SELENOI: variants seen among roughly 807,000 people sequenced by gnomAD.
SELENOI encodes the protein ethanolaminephosphotransferase 1.
In SELENOI, 24 loss-of-function variants were observed where a neutral mutation model predicts 50.7. The observed-to-expected ratio is 0.47, with a 90% confidence interval of 0.34 to 0.67. The LOEUF (loss-of-function observed/expected upper bound fraction) is 0.67. Among genes scored for constraint, SELENOI ranks in the 30% least tolerant of loss-of-function variants. The probability of loss-of-function intolerance (pLI) is 0.01; values close to 1 mark genes in which losing one functional copy is unlikely to be tolerated. For missense variants in SELENOI, 352 were observed against 461.4 expected (o/e 0.76, Z 2.17); for synonymous variants, 155 against 170.2 (o/e 0.91, Z 0.70).
At position 26,392,877 on chromosome 2, in the gene SELENOI, A is replaced by G. The variant is rs571841485; in HGVS notation, c.*3774A>G. 5 of 152,270 alleles carry G rather than the reference A, an allele frequency of 3.3e-5. No individual in the cohort carries two copies. The East Asian group carries it at 9.6e-4, about 29-fold the overall frequency. 9.4% of individuals were successfully genotyped at this position (152,270 alleles called of 1,614,324 possible). On this transcript the variant is annotated 3_prime_UTR_variant, in exon 10 of 10. Transcript: ENST00000260585. ...TGTAAGTCAGCATGCTCTTGCTTGA[A>G]CACCCTGTGGGTGAATAACTTTAGT...
chr2:26,352,307 G>A (rs1676976708), intron 1 of SELENOI, among the ~76,000 whole-genome samples: 1 of 152,066 alleles, frequency 6.6e-6, no homozygotes, highest in African/African-American at 2.4e-5. Flanking sequence ...GAGGTGCTCT[G>A]GAGGCCTTTT....
At chr2:26,379,547 C>T (rs1308806611) in intron 6 of SELENOI, among the ~76,000 whole-genome samples, 1 of 152,018 alleles carries the variant, frequency 6.6e-6, no homozygotes, top group African/African-American at 2.4e-5. Context: ...TATTGCATCA[C>T]ATTAGGAGGC....
At chr2:26,380,902 C>T (rs929571545) in intron 6 of SELENOI, among the ~76,000 whole-genome samples, 5 of 152,006 alleles carry the variant, frequency 3.3e-5, no homozygotes, top group South Asian at 2.1e-4. Context: ...GTTTAAGAGC[C>T]GTTTGTATGT....
chr2:26,387,042 T>G (rs1201381816), intron 9 of SELENOI, among the ~76,000 whole-genome samples: 3 of 152,230 alleles, frequency 2.0e-5, no homozygotes, highest in African/African-American at 7.2e-5. Flanking sequence ...AATTTCTGAC[T>G]GAAGGAAGAC....
In SELENOI at chr2:26,386,352, A is replaced by G. The variant is rs746842602; in HGVS notation, c.913-2A>G. The G allele has an allele frequency of 6.2e-7, 1 of 1,603,594 alleles. No homozygotes were observed. Among genetic ancestry groups the G allele is most frequent in the African/African-American group, 1.3e-5 (1 of 74,242 alleles). On this transcript the variant is annotated splice_acceptor_variant, in intron 8 of 9. Coordinates refer to ENST00000260585, the MANE Select transcript of SELENOI (RefSeq NM_033505.4). LOFTEE classifies it high-confidence loss of function. ...CTCTTATTTTTTTAAATTGACGTCC[A>G]GTGTCAGCTGATTGTTTGCCAAATG...
intron 1 of SELENOI, among the ~76,000 whole-genome samples, chr2:26,356,098 T>C (rs1677058919): frequency 6.6e-6 from 1 of 152,230 alleles, no homozygotes; most frequent in South Asian, 2.1e-4. Flanking sequence ...TAAAAAACTT[T>C]TTATTTCTGT....
In SELENOI at chr2:26,391,594, T is replaced by C. The variant is rs1403737762; in HGVS notation, c.*2491T>C. On this transcript the variant is annotated 3_prime_UTR_variant, in exon 10 of 10. Coordinates refer to ENST00000260585, the MANE Select transcript of SELENOI (RefSeq NM_033505.4). ...GGGAGCAATGCCATGATAAGGAGCATACGTGCATGTTTTCCGTACTTTCAG... is the reference window on the plus strand; with the variant it reads ...GGGAGCAATGCCATGATAAGGAGCACACGTGCATGTTTTCCGTACTTTCAG... 6.6e-6 allele frequency: 1 copy of C among 152,230 alleles called. No homozygotes were observed. The highest frequency in any genetic ancestry group is 6.5e-5 in the Admixed American group (1 of 15,280). The allele number at this position is 152,230 out of a possible 1,614,324, so 9.4% of individuals were successfully genotyped here. A position where few individuals can be genotyped will look rare whatever the true frequency, so the allele number is the denominator to read the frequency against.
chr2:26,367,728 A>T (rs1677315735), intron 4 of SELENOI, among the ~76,000 whole-genome samples: 2 of 152,216 alleles, frequency 1.3e-5, no homozygotes, highest in South Asian at 4.1e-4. Context: ...CAGTGGGAAA[A>T]CAAATAAGGA....
chr2:26,378,610 C>G (rs1053414436), intron 6 of SELENOI, among the ~76,000 whole-genome samples: 10 of 152,134 alleles, frequency 6.6e-5, no homozygotes, highest in Non-Finnish European at 1.5e-4. Context: ...ATCATCTGGT[C>G]TGGGACAGGG....
intron 6 of SELENOI, among the ~76,000 whole-genome samples, chr2:26,382,354 A>G (rs1052489980): frequency 2.6e-5 from 4 of 152,250 alleles, no homozygotes; most frequent in African/African-American, 7.2e-5. Context: ...GGAGAATGGC[A>G]TCACAAAGGC....
intron 1 of SELENOI, among the ~76,000 whole-genome samples, chr2:26,351,471 C>T (rs1179614302): frequency 6.6e-6 from 1 of 152,106 alleles, no homozygotes; most frequent in African/African-American, 2.4e-5. Flanking sequence ...TTTGCACCAT[C>T]GTAAAGTTGA....
chr2:26,349,600 C>G (rs1676908351), intron 1 of SELENOI, among the ~76,000 whole-genome samples: 1 of 151,834 alleles, frequency 6.6e-6, no homozygotes, highest in African/African-American at 2.4e-5. Flanking sequence ...GCCACCGTGC[C>G]CAGCCCTTGG....
intron 1 of SELENOI, among the ~76,000 whole-genome samples, chr2:26,356,980 TAC>T (rs1331797095): frequency 6.6e-6 from 1 of 152,206 alleles, no homozygotes; most frequent in Non-Finnish European, 1.5e-5. Flanking sequence ...ACGTGAGTCA[TAC>T]AGTCTTTCGT....
chr2:26,386,658 T>C, intron 9 of SELENOI, 122 bp downstream of exon 9: 5 of 798,572 alleles, frequency 6.3e-6, no homozygotes, highest in Non-Finnish European at 9.1e-6. Flanking sequence ...ATAGTAGCTG[T>C]AAGGGTTTTG....
chr2:26,364,078 CTTTTTTTTTTTTT>C (rs59396679), intron 1 of SELENOI, among the ~76,000 whole-genome samples: 1 of 114,932 alleles, frequency 8.7e-6, no homozygotes, highest in East Asian at 2.1e-4. Flanking sequence ...CTTTCTCCCC[CTTTTTTTTTTTTT>C]TTTTTTTTGG....
chr2:26,350,106 CAAA>C (rs5830006), intron 1 of SELENOI, among the ~76,000 whole-genome samples: 1 of 141,438 alleles, frequency 7.1e-6, no homozygotes, highest in Non-Finnish European at 1.6e-5. Flanking sequence ...GACCCTGACT[CAAA>C]AAAAAAAAGT....
In SELENOI at chr2:26,393,745, A is replaced by C. The variant is rs116765315; in HGVS notation, c.*4642A>C. The C allele has an allele frequency of 2.1e-4, 32 of 152,258 alleles. No homozygotes were observed. Among genetic ancestry groups the C allele is most frequent in the African/African-American group, 6.3e-4 (26 of 41,546 alleles). 9.4% of individuals were successfully genotyped at this position (152,258 alleles called of 1,614,324 possible). A position where few individuals can be genotyped will look rare whatever the true frequency, so the allele number is the denominator to read the frequency against. On this transcript the variant is annotated 3_prime_UTR_variant, in exon 10 of 10. Transcript: ENST00000260585. ...GTATATTGGATGATGGCTATAGGGT[A>C]CCTTAATGCTGTGTTGAAATTGGAA...
At chr2:26,381,422 T>A (rs935427921) in intron 6 of SELENOI, among the ~76,000 whole-genome samples, 14 of 152,106 alleles carry the variant, frequency 9.2e-5, no homozygotes, top group Non-Finnish European at 1.6e-4. Context: ...TTAAGTACTA[T>A]AAAGAAGAAA....
intron 4 of SELENOI, among the ~76,000 whole-genome samples, chr2:26,370,577 C>G: frequency 1.7e-5 from 1 of 58,386 alleles, no homozygotes; most frequent in South Asian, 8.4e-4. Context: ...CAGAGGCGCC[C>G]CTCACCTCCC....
Sources: allele counts gnomAD v4.1 joint callset (sites outside exome capture counted in the v4.1 genomes callset), GRCh38; gene constraint gnomAD v4.1.1; transcripts MANE v1.5; gene names NCBI Gene and HGNC (gene_info 2026-07-23, HGNC 2026-07-21).